Variants in C4orf17 observed in about 807,000 individuals in gnomAD.
The protein encoded by C4orf17 is uncharacterized protein C4orf17.
Under a neutral mutation model 32.0 loss-of-function variants are expected in C4orf17, and 25 were observed. That is an observed-to-expected ratio of 0.78 (90% CI 0.57 to 1.09). The LOEUF is 1.09. Ranked by LOEUF, C4orf17 falls within the 50% of genes least tolerant of loss-of-function variation. The pLI is 0.00. For synonymous variants in C4orf17, 149 were observed against 145.8 expected, an observed-to-expected ratio of 1.02 and a Z score of -0.16; for missense variants, 420 against 420.0, an observed-to-expected ratio of 1.00 and a Z score of 0.00.
chr4:99,535,892 G>A, intron 5 of C4orf17: 3 of 444,346 alleles, frequency 6.8e-6, no homozygotes, highest in South Asian at 3.2e-5. Context: ...AATCTTTGAG[G>A]TTGCTGACCT....
chr4:99,529,760 T>C (rs1312891285), intron 4 of C4orf17, 55 bp from the exon 5 acceptor site: 3 of 1,397,100 alleles, frequency 2.1e-6, no homozygotes, highest in Non-Finnish European at 2.9e-6. Context: ...TGAATTTTCA[T>C]AGAAAATATA....
intron 5 of C4orf17, among the ~76,000 whole-genome samples, chr4:99,532,673 C>A (rs1723496255): frequency 6.6e-6 from 1 of 152,142 alleles, no homozygotes; most frequent in African/African-American, 2.4e-5. Flanking sequence ...AACAAACATG[C>A]ACATGTACCC....
chr4:99,519,169 G>T (rs1317615030), intron 2 of C4orf17: 1 of 152,246 alleles, frequency 6.6e-6, no homozygotes, highest in Admixed American at 6.5e-5. Context: ...CCCTTCAGAG[G>T]TGTCTCAATT....
intron 7 of C4orf17, 25 bp from the exon 8 acceptor site, chr4:99,540,387 T>G (rs1265000724): frequency 1.3e-6 from 2 of 1,595,800 alleles, no homozygotes; most frequent in African/African-American, 2.7e-5. Flanking sequence ...TGAAATTCAC[T>G]TTTTTCTTTC....
At chr4:99,528,185 C>T (rs1257881769) in intron 4 of C4orf17, among the ~76,000 whole-genome samples, 1 of 150,052 alleles carries the variant, frequency 6.7e-6, no homozygotes, top group African/African-American at 2.5e-5. Flanking sequence ...GTTGTGTTAA[C>T]TTGTGTCTTT....
intron 4 of C4orf17, among the ~76,000 whole-genome samples, chr4:99,527,056 A>G (rs921274948): frequency 6.6e-6 from 1 of 151,976 alleles, no homozygotes; most frequent in African/African-American, 2.4e-5. Context: ...TCCTATAAGC[A>G]TTACTTTGCC....
At chr4:99,518,544 T>TATATATATAG (rs1393245676) in intron 2 of C4orf17, among the ~76,000 whole-genome samples, 19 of 36,820 alleles carry the variant, frequency 5.2e-4, no homozygotes, top group Admixed American at 1.2e-3. Context: ...TATATATATA[T>TATATATATAG]AGAGAGAGAG....
intron 2 of C4orf17, 75 bp downstream of exon 2, chr4:99,513,283 C>T: frequency 6.5e-7 from 1 of 1,543,164 alleles, no homozygotes; most frequent in Admixed American, 1.7e-5. Context: ...GGCAGGTAAA[C>T]ACAACGCTGC....
At chr4:99,523,469 C>A (rs375011989) in intron 3 of C4orf17, among the ~76,000 whole-genome samples, 5 of 152,144 alleles carry the variant, frequency 3.3e-5, no homozygotes. Context: ...ATATACTGTT[C>A]TAAAGTCTTC....
intron 3 of C4orf17, among the ~76,000 whole-genome samples, chr4:99,523,162 C>G (rs1723326440): frequency 6.6e-6 from 1 of 152,188 alleles, no homozygotes; most frequent in African/African-American, 2.4e-5. Flanking sequence ...CCTTTCTCCC[C>G]AGGTCCCAGC....
At chr4:99,541,875 T>C (rs1486415561) in intron 8 of C4orf17, 35 bp from the exon 9 acceptor site, 13 of 1,475,986 alleles carry the variant, frequency 8.8e-6, no homozygotes, top group Non-Finnish European at 1.2e-5. Context: ...AGTGTCTCAA[T>C]TATGGTCTTA....
intron 5 of C4orf17, among the ~76,000 whole-genome samples, chr4:99,532,535 T>C (rs1012681627): frequency 6.6e-6 from 1 of 152,026 alleles, no homozygotes; most frequent in Non-Finnish European, 1.5e-5. Flanking sequence ...CAATAGGCAC[T>C]GGAAACTCCA....
At chr4:99,512,159 G>A (rs1417370767) in intron 1 of C4orf17, among the ~76,000 whole-genome samples, 1 of 152,056 alleles carries the variant, frequency 6.6e-6, no homozygotes, top group Non-Finnish European at 1.5e-5. Context: ...TCTCTGCCAT[G>A]GTTATAAATA....
At chr4:99,525,691 G>A (rs1003667611) in intron 4 of C4orf17, among the ~76,000 whole-genome samples, 1 of 152,230 alleles carries the variant, frequency 6.6e-6, no homozygotes, top group Non-Finnish European at 1.5e-5. Context: ...GCTACTGGGA[G>A]GCTGAGGCAG....
At position 99,539,305 on chromosome 4, in the gene C4orf17, G is replaced by A. The variant is rs908242223; in HGVS notation, c.771G>A (p.Leu257=). The A allele has an allele frequency of 3.7e-6, 6 of 1,613,884 alleles. No individual in the cohort carries two copies. The African/African-American group carries it at 8.0e-5, about 22-fold the overall frequency. Residue 257 remains leucine, a synonymous_variant, in exon 7 of 9, where the codon TTG becomes TTA. Transcript: ENST00000326581. ...TTAAATCACCACCCACAGTTAAATT[G>A]CCCCCAAATTTTACTGCAAAATCAA... is the stretch of plus-strand genomic sequence containing the variant. The part of the protein sequence containing the change: ...PTVKSPPTVK[L]PPNFTAKSKV...
rs1284437973 is a variant in C4orf17, at chr4:99,537,739, C to A, written c.617C>A (p.Ala206Glu). ...GAAGTTTTACAGTGGCTGCTTCATG[C>A]AACTTCAAAAGGTGCGATTAAGATA... ...LAEVLQWLLH[A>E]TSKEKEWVSA... is the part of the protein sequence containing the mutation. The change falls in exon 6 of 9, where the codon GCA becomes GAA. Residue 206 changes from alanine to glutamate, a missense_variant. Ala to Glu is a moderately radical substitution (Grantham distance 107). Transcript: ENST00000326581. 2 of 1,610,840 alleles carry A rather than the reference C, an allele frequency of 1.2e-6. No individual in the cohort carries two copies. Among genetic ancestry groups the A allele is most frequent in the Non-Finnish European group, 1.7e-6 (2 of 1,178,532 alleles).
chr4:99,512,935 A>T (rs1466574279), intron 1 of C4orf17, 54 bp from the exon 2 acceptor site: 20 of 743,834 alleles, frequency 2.7e-5, no homozygotes, highest in Non-Finnish European at 3.9e-5. Flanking sequence ...TGTTTGATAT[A>T]TAAGAAAGTG....
intron 1 of C4orf17, among the ~76,000 whole-genome samples, chr4:99,511,653 A>G (rs1723095663): frequency 6.6e-6 from 1 of 152,068 alleles, no homozygotes; most frequent in African/African-American, 2.4e-5. Flanking sequence ...TTTCTGGTTT[A>G]ATGTCTTTTT....
At chr4:99,518,044 C>T (rs1723215520) in intron 2 of C4orf17, among the ~76,000 whole-genome samples, 1 of 152,052 alleles carries the variant, frequency 6.6e-6, no homozygotes. Context: ...CCTTCCAATA[C>T]TTCACTTGAC....
Sources: allele counts gnomAD v4.1 joint callset (sites outside exome capture counted in the v4.1 genomes callset), GRCh38; gene constraint gnomAD v4.1.1; transcripts MANE v1.5; gene names NCBI Gene and HGNC (gene_info 2026-07-23, HGNC 2026-07-21).